Variants in SORCS2 observed in about 807,000 individuals in gnomAD.
The protein encoded by SORCS2 is VPS10 domain-containing receptor SorCS2.
In SORCS2, 100 loss-of-function variants were observed where a neutral mutation model predicts 141.6. The observed-to-expected ratio is 0.71, with a 90% CI of 0.60 to 0.83. The LOEUF is 0.83. Ranked by LOEUF, SORCS2 falls within the 40% of genes least tolerant of loss-of-function variation. The pLI, the probability that SORCS2 is intolerant of heterozygous loss-of-function variation, is 0.00. For missense variants in SORCS2, 1,646 were observed against 1,560.2 expected, an observed-to-expected ratio of 1.05 and a Z score of -0.93; for synonymous variants, 789 against 676.9, an observed-to-expected ratio of 1.17 and a Z score of -2.57.
rs756621560 is a variant in SORCS2, at chr4:7,433,628, C to T, written c.548+37273C>T. On this transcript the variant is annotated intron_variant, in intron 2 of 26. Transcript: ENST00000507866. ...CCACCCTTGAAGGCCACCAGGATGT[C>T]TCGCTTGGTGCTCTTGCTCTCCAAG... is the stretch of plus-strand genomic sequence containing the variant. The T allele has an allele frequency of 9.9e-6, 16 of 1,610,906 alleles. No individual in the cohort carries two copies. The highest frequency in any genetic ancestry group is 1.3e-5 in the Non-Finnish European group (15 of 1,178,490).
intron 10 of SORCS2, among the ~76,000 whole-genome samples, chr4:7,688,726 G>T (rs1724025039): frequency 6.6e-6 from 1 of 152,200 alleles, no homozygotes; most frequent in Non-Finnish European, 1.5e-5. Flanking sequence ...AATTAGGAAG[G>T]CTGAGCCCAG....
chr4:7,730,289 A>G (rs1263152587), intron 23 of SORCS2, among the ~76,000 whole-genome samples: 1 of 152,218 alleles, frequency 6.6e-6, no homozygotes, highest in Non-Finnish European at 1.5e-5. Context: ...TTGCCAAGGA[A>G]GCAGAGAACT....
rs931569966 is a variant in SORCS2, at chr4:7,740,539, C to T, written c.*275C>T. On this transcript the variant is annotated 3_prime_UTR_variant, in exon 27 of 27. Transcript: ENST00000507866. ...TCTGCCCCCCAGACCCCACACACGG[C>T]CGCCCCACGTGCTGTCGCTCAGCCC... 9.8e-6 allele frequency: 5 copies of T among 509,266 alleles called. No homozygotes were observed. In the Admixed American group the frequency reaches 1.3e-4, roughly 13 times the overall value. The allele number at this position is 509,266 out of a possible 1,614,324, so 31.5% of individuals were successfully genotyped here. A position where few individuals can be genotyped will look rare whatever the true frequency, so the allele number is the denominator to read the frequency against.
At position 7,742,188 on chromosome 4, in the gene SORCS2, A is replaced by G. The variant is rs907945767; in HGVS notation, c.*1924A>G. ...GGACGTGGGGCCATGACTCTCTGGG[A>G]CCTTGCCACAGCCCCCATTCCCCTG... On this transcript the variant is annotated 3_prime_UTR_variant, in exon 27 of 27. Coordinates refer to ENST00000507866, the MANE Select transcript of SORCS2 (RefSeq NM_020777.3). The G allele has an allele frequency of 6.6e-6, 1 of 152,126 alleles. No individual in the cohort carries two copies. The highest frequency in any genetic ancestry group is 2.4e-5 in the African/African-American group (1 of 41,406). The allele number at this position is 152,126 out of a possible 1,614,324, so 9.4% of individuals were successfully genotyped here.
intron 3 of SORCS2, among the ~76,000 whole-genome samples, chr4:7,559,713 C>T (rs574213138): frequency 1.3e-5 from 2 of 152,244 alleles, no homozygotes; most frequent in Non-Finnish European, 2.9e-5. Context: ...CATCCCTCTC[C>T]ATGCCTCAAT....
At chr4:7,510,622 A>G (rs1732565639) in intron 2 of SORCS2, among the ~76,000 whole-genome samples, 1 of 150,518 alleles carries the variant, frequency 6.6e-6, no homozygotes, top group East Asian at 2.0e-4. Context: ...AGGAAATGCC[A>G]CCCCGGGGCC....
chr4:7,639,921 GTT>G (rs948885791), intron 4 of SORCS2, among the ~76,000 whole-genome samples: 2 of 88,108 alleles, frequency 2.3e-5, no homozygotes, highest in African/African-American at 8.2e-5. Context: ...GTGTGTGTGT[GTT>G]TGTGAGAATA....
At chr4:7,428,302 G>A (rs923769866) in intron 2 of SORCS2, among the ~76,000 whole-genome samples, 7 of 152,368 alleles carry the variant, frequency 4.6e-5, no homozygotes, top group Non-Finnish European at 8.8e-5. Flanking sequence ...ACAAAGGGCA[G>A]ACCAGAGGGC....
At chr4:7,371,263 C>T (rs1340239888) in intron 1 of SORCS2, among the ~76,000 whole-genome samples, 3 of 152,146 alleles carry the variant, frequency 2.0e-5, no homozygotes, top group Non-Finnish European at 4.4e-5. Flanking sequence ...GGGCCCGTCC[C>T]GCAGCTGCCT....
intron 14 of SORCS2, among the ~76,000 whole-genome samples, chr4:7,707,960 C>T (rs1285446813): frequency 1.3e-5 from 2 of 152,194 alleles, no homozygotes; most frequent in Non-Finnish European, 2.9e-5. Context: ...TCTCGCCAGG[C>T]TGGTGTCCCT....
At chr4:7,719,899 T>C (rs1188128107) in intron 18 of SORCS2, among the ~76,000 whole-genome samples, 2 of 151,994 alleles carry the variant, frequency 1.3e-5, no homozygotes, top group East Asian at 1.9e-4. Context: ...AAGAGAGTGA[T>C]CAAAAGATGC....
intron 2 of SORCS2, among the ~76,000 whole-genome samples, chr4:7,424,946 TG>T (rs1374672903): frequency 6.6e-6 from 1 of 152,226 alleles, no homozygotes; most frequent in Non-Finnish European, 1.5e-5. Flanking sequence ...GCATGGGTGC[TG>T]TGCCCCGGAG....
intron 2 of SORCS2, among the ~76,000 whole-genome samples, chr4:7,465,047 A>C (rs563391156): frequency 1.3e-5 from 2 of 152,374 alleles, no homozygotes; most frequent in East Asian, 3.9e-4. Context: ...TGAGGATGAC[A>C]AAGCACCCCC....
In SORCS2 at chr4:7,229,531, C is replaced by T. The variant is rs76534182; in HGVS notation, c.480+36405C>T. On this transcript the variant is annotated intron_variant, in intron 1 of 26. Coordinates refer to ENST00000507866, the MANE Select transcript of SORCS2 (RefSeq NM_020777.3). The stretch of plus-strand genomic sequence containing the variant: ...GAGCACCCAGGCTTCCAGCACAGAT[C>T]GTCTGAATTTCCTCCTTCCGGAGCT... Among the ~76,000 whole-genome samples, 17 of 152,332 alleles carry T rather than the reference C, an allele frequency of 1.1e-4. 1 individual carries two copies. The East Asian group carries it at 2.7e-3, about 24-fold the overall frequency.
intron 1 of SORCS2, among the ~76,000 whole-genome samples, chr4:7,304,314 G>A (rs956962256): frequency 2.0e-5 from 3 of 152,136 alleles, no homozygotes; most frequent in Non-Finnish European, 4.4e-5. Flanking sequence ...TAGCGACGGG[G>A]GCAGGTGATG....
chr4:7,573,947 C>T (rs1029541969), intron 3 of SORCS2, among the ~76,000 whole-genome samples: 3 of 152,234 alleles, frequency 2.0e-5, no homozygotes, highest in Non-Finnish European at 4.4e-5. Flanking sequence ...CACACGCGTC[C>T]ACTCAGGGTA....
At position 7,385,170 on chromosome 4, in the gene SORCS2, A is replaced by C. The variant is rs111993571; in HGVS notation, c.481-11118A>C. On this transcript the variant is annotated intron_variant, in intron 1 of 26. Coordinates refer to ENST00000507866, the MANE Select transcript of SORCS2 (RefSeq NM_020777.3). ...GGCAGCGGCATTGGCAGCAGTGTTG[A>C]GTGAGGCCGCATCCCTTGGAGAGCC... is the stretch of plus-strand genomic sequence containing the variant. Among the ~76,000 whole-genome samples, 296 of 152,202 alleles carry C rather than the reference A, an allele frequency of 1.9e-3. 1 individual carries two copies. The highest frequency in any genetic ancestry group is 6.9e-3 in the African/African-American group (286 of 41,540).
At chr4:7,438,670 C>T (rs563783440) in intron 2 of SORCS2, among the ~76,000 whole-genome samples, 1 of 151,858 alleles carries the variant, frequency 6.6e-6, no homozygotes, top group Non-Finnish European at 1.5e-5. Context: ...CTTCCTTCCT[C>T]TTTCCTTTTT....
chr4:7,568,500 G>C (rs992938648), intron 3 of SORCS2, among the ~76,000 whole-genome samples: 9 of 152,152 alleles, frequency 5.9e-5, no homozygotes, highest in Admixed American at 1.3e-4. Context: ...ACCAGACTCA[G>C]TTAGATGCTT....
Sources: gnomAD v4.1 joint callset for allele counts (sites outside exome capture counted in the v4.1 genomes callset) on GRCh38, gnomAD v4.1.1 for gene constraint, MANE v1.5 for transcripts, NCBI Gene and HGNC (gene_info 2026-07-23, HGNC 2026-07-21) for gene names.